DPP10: variants seen among roughly 807,000 people sequenced by gnomAD.
The protein encoded by DPP10 is inactive dipeptidyl peptidase 10.
In DPP10, 33 loss-of-function variants were observed where a neutral mutation model predicts 120.9. The ratio of observed to expected loss-of-function variants is 0.27; its 90% confidence interval spans 0.21 to 0.37. DPP10 has a LOEUF of 0.37. Among genes scored for constraint, DPP10 ranks in the 10% least tolerant of loss-of-function variants. The pLI is 1.00. For synonymous variants in DPP10, 337 were observed against 326.1 expected, an observed-to-expected ratio of 1.03 and a Z score of -0.36; for missense variants, 816 against 942.8, an observed-to-expected ratio of 0.87 and a Z score of 1.76.
At chr2:115,547,271 A>G (rs1159957493) in intron 5 of DPP10, among the ~76,000 whole-genome samples, 1 of 152,202 alleles carries the variant, frequency 6.6e-6, no homozygotes, top group Non-Finnish European at 1.5e-5. Flanking sequence ...CATATAAAGT[A>G]GCTTTAGAAT....
At chr2:115,481,457 T>G (rs560548054) in intron 3 of DPP10, among the ~76,000 whole-genome samples, 104 of 152,224 alleles carry the variant, frequency 6.8e-4, no homozygotes, top group African/African-American at 2.4e-3. Context: ...AGATAACCGG[T>G]ATTGCAGTAA....
intron 1 of DPP10, among the ~76,000 whole-genome samples, chr2:114,938,317 T>A (rs1696635431): frequency 1.3e-5 from 2 of 152,286 alleles, no homozygotes; most frequent in South Asian, 4.1e-4. Flanking sequence ...ATTGTTTAGC[T>A]AAAACCTATT....
At chr2:114,843,271 G>A (rs1688300956) in intron 1 of DPP10, among the ~76,000 whole-genome samples, 1 of 152,008 alleles carries the variant, frequency 6.6e-6, no homozygotes, top group African/African-American at 2.4e-5. Flanking sequence ...AAGTTCATAG[G>A]ACTTCTAAAC....
At chr2:114,458,463 A>G (rs1427025474) in intron 1 of DPP10, among the ~76,000 whole-genome samples, 1 of 152,138 alleles carries the variant, frequency 6.6e-6, no homozygotes, top group Non-Finnish European at 1.5e-5. Context: ...TATTTTCTTA[A>G]AAGCAGATGA....
chr2:115,494,236 A>G (rs1009037120), intron 3 of DPP10, among the ~76,000 whole-genome samples: 17 of 152,114 alleles, frequency 1.1e-4, no homozygotes, highest in African/African-American at 3.9e-4. Flanking sequence ...GCCACCGTGC[A>G]TGTACTTTTT....
At chr2:115,643,571 A>G (rs115338364) in intron 5 of DPP10, among the ~76,000 whole-genome samples, 4 of 152,294 alleles carry the variant, frequency 2.6e-5, no homozygotes, top group South Asian at 4.1e-4. Context: ...TTCTGGGAGG[A>G]TGGGGCACAT....
intron 1 of DPP10, among the ~76,000 whole-genome samples, chr2:114,520,718 G>C (rs1684978273): frequency 6.6e-6 from 1 of 152,180 alleles, no homozygotes; most frequent in African/African-American, 2.4e-5. Context: ...GTCTTGAAAG[G>C]TTTTATGGAT....
chr2:114,789,392 C>A (rs1459628376), intron 1 of DPP10, among the ~76,000 whole-genome samples: 1 of 152,182 alleles, frequency 6.6e-6, no homozygotes, highest in Non-Finnish European at 1.5e-5. Context: ...CCCATGAACT[C>A]ATTCACAGAT....
At chr2:115,299,835 A>C (rs1409324089) in intron 1 of DPP10, among the ~76,000 whole-genome samples, 3 of 152,008 alleles carry the variant, frequency 2.0e-5, no homozygotes, top group African/African-American at 7.2e-5. Context: ...CTAAATTTTA[A>C]AATCACTTTA....
chr2:114,553,966 C>A (rs1370980997), intron 1 of DPP10, among the ~76,000 whole-genome samples: 1 of 151,978 alleles, frequency 6.6e-6, no homozygotes, highest in Non-Finnish European at 1.5e-5. Flanking sequence ...CTGATAATAA[C>A]AAGACAAGAT....
chr2:114,662,047 C>A lies in DPP10; in HGVS notation c.60+219209C>A, dbSNP rs373454797. Among the ~76,000 whole-genome samples the A allele has an allele frequency of 2.8e-3, 427 of 151,962 alleles. 1 individual carries two copies. Among genetic ancestry groups the A allele is most frequent in the Non-Finnish European group, 4.3e-3 (295 of 67,946 alleles). On this transcript the variant is annotated intron_variant, in intron 1 of 25. Coordinates refer to ENST00000410059, the MANE Select transcript of DPP10 (RefSeq NM_020868.6). ...AACCCGGGCTCTCCAGGCCGCGCCC[C>A]GAGGCCTCAGGTCGGCCGGCTGCCC... is the stretch of plus-strand genomic sequence containing the variant.
At chr2:115,064,147 T>G (rs566889567) in intron 1 of DPP10, among the ~76,000 whole-genome samples, 1 of 152,314 alleles carries the variant, frequency 6.6e-6, no homozygotes, top group South Asian at 2.1e-4. Flanking sequence ...TTTCTTTTTT[T>G]TTCTTCTTTT....
chr2:115,669,737 G>T (rs1395035564), intron 5 of DPP10, among the ~76,000 whole-genome samples: 2 of 151,994 alleles, frequency 1.3e-5, no homozygotes, highest in African/African-American at 4.8e-5. Context: ...ATGCTTATTA[G>T]CTCTGAGTAG....
intron 1 of DPP10, among the ~76,000 whole-genome samples, chr2:114,799,716 T>C (rs1158757070): frequency 6.6e-6 from 1 of 152,204 alleles, no homozygotes; most frequent in Non-Finnish European, 1.5e-5. Flanking sequence ...AGTTTTTGAC[T>C]CAAAGGCCCT....
At chr2:115,187,282 C>T (rs908833559) in intron 1 of DPP10, among the ~76,000 whole-genome samples, 9 of 151,638 alleles carry the variant, frequency 5.9e-5, no homozygotes, top group East Asian at 2.0e-4. Flanking sequence ...ATGATCCACC[C>T]GCCTCGGCCT....
chr2:114,509,645 G>A (rs1683971344), intron 1 of DPP10, among the ~76,000 whole-genome samples: 1 of 152,206 alleles, frequency 6.6e-6, no homozygotes, highest in Admixed American at 6.5e-5. Context: ...AAGAAAGTGA[G>A]TGGAGTAATA....
At chr2:114,895,952 G>T (rs988179590) in intron 1 of DPP10, among the ~76,000 whole-genome samples, 1 of 152,088 alleles carries the variant, frequency 6.6e-6, no homozygotes, top group Admixed American at 6.6e-5. Flanking sequence ...TTCTACATAT[G>T]GCTAGTCAGT....
At chr2:115,556,257 G>T (rs190841488) in intron 5 of DPP10, among the ~76,000 whole-genome samples, 1 of 151,622 alleles carries the variant, frequency 6.6e-6, no homozygotes, top group Admixed American at 6.6e-5. Flanking sequence ...GATCAAACTT[G>T]GTCAATCCAT....
intron 1 of DPP10, among the ~76,000 whole-genome samples, chr2:115,088,097 G>T (rs557453868): frequency 5.3e-5 from 8 of 152,220 alleles, no homozygotes; most frequent in Non-Finnish European, 1.0e-4. Context: ...GTCCTCACAC[G>T]GTGGAAGGAG....
Sources: gnomAD v4.1 joint callset for allele counts (sites outside exome capture counted in the v4.1 genomes callset) on GRCh38, gnomAD v4.1.1 for gene constraint, MANE v1.5 for transcripts, NCBI Gene and HGNC (gene_info 2026-07-23, HGNC 2026-07-21) for gene names.